ERG: variants seen among roughly 807,000 people sequenced by gnomAD.
ERG encodes the protein ETS transcription factor ERG.
ERG carries 9 observed loss-of-function variants against 55.3 expected under a neutral mutation model. The observed-to-expected ratio is 0.16, with a 90% CI of 0.10 to 0.28. The LOEUF (loss-of-function observed/expected upper bound fraction) is 0.28. ERG is among the 10% of genes least tolerant of loss of function. The probability of loss-of-function intolerance (pLI) is 1.00; values close to 1 mark genes in which losing one functional copy is unlikely to be tolerated. For missense variants in ERG, 434 were observed against 631.6 expected (o/e 0.69, Z 3.35); for synonymous variants, 223 against 237.3 (o/e 0.94, Z 0.55).
At chr21:38,405,527 T>C (rs944620408) in intron 3 of ERG, among the ~76,000 whole-genome samples, 9 of 152,080 alleles carry the variant, frequency 5.9e-5, no homozygotes, top group East Asian at 3.9e-4. Flanking sequence ...TGGAGGGCAG[T>C]TGGGCATCAC....
At chr21:38,474,965 T>C (rs1390788817) in intron 1 of ERG, among the ~76,000 whole-genome samples, 1 of 152,164 alleles carries the variant, frequency 6.6e-6, no homozygotes, top group African/African-American at 2.4e-5. Context: ...TGTGAATTAA[T>C]GCATCTAACC....
At chr21:38,416,546 A>G (rs1188864435) in intron 3 of ERG, among the ~76,000 whole-genome samples, 2 of 152,168 alleles carry the variant, frequency 1.3e-5, no homozygotes, top group East Asian at 3.9e-4. Flanking sequence ...TCTCATTTGT[A>G]TTTTTAACTG....
chr21:38,395,328 C>T (rs78364131), intron 6 of ERG: 5,909 of 228,014 alleles, frequency 0.026, 381 homozygotes, highest in East Asian at 0.19. Context: ...TCAAAACCTT[C>T]GTAGTTCTGC....
intron 1 of ERG, among the ~76,000 whole-genome samples, chr21:38,594,103 T>C (rs2060117475): frequency 6.6e-6 from 1 of 152,024 alleles, no homozygotes. Flanking sequence ...ATCATGAAAA[T>C]AGTTCTATAC....
intron 2 of ERG, among the ~76,000 whole-genome samples, chr21:38,437,335 G>A (rs540670230): frequency 1.3e-5 from 2 of 152,292 alleles, no homozygotes; most frequent in African/African-American, 2.4e-5. Flanking sequence ...TTGGACAGGT[G>A]GGGGTGGGGG....
intron 1 of ERG, among the ~76,000 whole-genome samples, chr21:38,607,114 G>T (rs149046300): frequency 9.9e-5 from 15 of 152,188 alleles, no homozygotes; most frequent in African/African-American, 3.1e-4. Context: ...AACAACAGAC[G>T]CCAGAAGGGA....
intron 2 of ERG, among the ~76,000 whole-genome samples, chr21:38,573,598 G>T (rs1374682086): frequency 6.6e-6 from 1 of 152,148 alleles, no homozygotes; most frequent in Non-Finnish European, 1.5e-5. Flanking sequence ...ACTTAATTAT[G>T]ACATAGATTC....
intron 1 of ERG, among the ~76,000 whole-genome samples, chr21:38,590,568 TCATCCATCCATCCATC>T (rs141969690): frequency 8.8e-4 from 132 of 150,448 alleles, no homozygotes; most frequent in African/African-American, 2.8e-3. Flanking sequence ...ATACAATTGT[TCATCCATCCATCCATC>T]CATCCATCCA....
upstream of ERG, chr21:38,498,528 T>A: frequency 7.1e-7 from 1 of 1,413,888 alleles, no homozygotes; most frequent in East Asian, 2.8e-5. The surrounding 1 kb of genome is among the most constrained non-coding windows in gnomAD (Gnocchi z 4.6). Flanking sequence ...AGGAAGAGGT[T>A]TCTATTGGTC....
intron 2 of ERG, among the ~76,000 whole-genome samples, chr21:38,509,541 G>A (rs1217779838): frequency 7.2e-5 from 11 of 151,996 alleles, no homozygotes; most frequent in Non-Finnish European, 1.5e-4. Context: ...AAATGTAGAG[G>A]TGCCTCAGGG....
intron 1 of ERG, among the ~76,000 whole-genome samples, chr21:38,640,161 T>A (rs918681153): frequency 6.6e-6 from 1 of 152,164 alleles, no homozygotes; most frequent in African/African-American, 2.4e-5. Context: ...TGAAAATCAT[T>A]GAAAATCAAT....
Position 38,527,044 on chromosome 21 carries a change from T to C in ERG, c.-41+48618A>G, listed in dbSNP as rs566808834. Among the ~76,000 whole-genome samples, 3 of 152,254 alleles carry C rather than the reference T, an allele frequency of 2.0e-5. No individual in the cohort carries two copies. In the East Asian group the frequency reaches 5.8e-4, roughly 29 times the overall value. ...GAAGGGACTGAATACGTCTGCATCC[T>C]CAGATCTGAGAGTAATTTTCCACGA... On this transcript the variant is annotated intron_variant, in intron 2 of 8. Coordinates refer to the ERG transcript ENST00000398897.
intron 2 of ERG, among the ~76,000 whole-genome samples, chr21:38,537,781 T>C (rs999665890): frequency 1.3e-5 from 2 of 152,162 alleles, no homozygotes; most frequent in Non-Finnish European, 2.9e-5. Context: ...AAATTAAAAA[T>C]AGAATTAACA....
intron 1 of ERG, among the ~76,000 whole-genome samples, chr21:38,603,754 G>A (rs1366576136): frequency 1.3e-5 from 2 of 152,034 alleles, no homozygotes; most frequent in Non-Finnish European, 2.9e-5. Flanking sequence ...AAAAATAGGA[G>A]GAAAGCGGAA....
At position 38,383,974 on chromosome 21, in the gene ERG, G is replaced by A. The variant is rs1338816754; in HGVS notation, c.920-51C>T. 1.3e-6 allele frequency: 2 copies of A among 1,561,542 alleles called. No homozygotes were observed. Among genetic ancestry groups the A allele is most frequent in the African/African-American group, 1.4e-5 (1 of 73,762 alleles). ...AACTCCAGTGAGCACAGGTTCCAGG[G>A]GAAAGAGGCTCTCTGTGATGACGGA... On this transcript the variant is annotated intron_variant, in intron 9 of 9. Transcript: ENST00000288319. This position sits in a 1 kb window ranked among gnomAD's most constrained non-coding sequence, Gnocchi z 5.7.
At chr21:38,453,120 A>T (rs1412505695) in intron 1 of ERG, among the ~76,000 whole-genome samples, 1 of 152,236 alleles carries the variant, frequency 6.6e-6, no homozygotes, top group Non-Finnish European at 1.5e-5. Flanking sequence ...TTGGAAAATA[A>T]TTGCCATTGG....
At chr21:38,562,840 C>T (rs908694314) in intron 2 of ERG, among the ~76,000 whole-genome samples, 1 of 152,112 alleles carries the variant, frequency 6.6e-6, no homozygotes, top group Admixed American at 6.5e-5. Context: ...ACTGAATTGA[C>T]TGCAATAGAT....
chr21:38,565,830 G>C (rs2059919530), intron 2 of ERG, among the ~76,000 whole-genome samples: 2 of 152,224 alleles, frequency 1.3e-5, no homozygotes, highest in Admixed American at 1.3e-4. Flanking sequence ...CACGGGAATG[G>C]AAGCTTCATG....
intron 1 of ERG, among the ~76,000 whole-genome samples, chr21:38,582,272 G>A (rs548219488): frequency 6.6e-6 from 1 of 152,282 alleles, no homozygotes; most frequent in South Asian, 2.1e-4. Context: ...GTAACCTGGG[G>A]ACCCAATACT....
Sources: allele counts gnomAD v4.1 joint callset (sites outside exome capture counted in the v4.1 genomes callset), GRCh38; gene constraint gnomAD v4.1.1; non-coding constraint Gnocchi (gnomAD v3.1); transcripts MANE v1.5; gene names NCBI Gene and HGNC (gene_info 2026-07-23, HGNC 2026-07-21).